ERC1: variants seen among roughly 807,000 people sequenced by gnomAD.
ERC1 encodes ELKS/RAB6-interacting/CAST family member 1.
A neutral mutation model predicts 132.0 loss-of-function variants in ERC1; 56 were observed. That is an observed-to-expected ratio of 0.42 (90% CI 0.34 to 0.53). The LOEUF (loss-of-function observed/expected upper bound fraction) is 0.53, where lower values mean the gene tolerates loss of function less well. Ranked by LOEUF, ERC1 falls within the 20% of genes least tolerant of loss-of-function variation. The pLI, the probability that ERC1 is intolerant of heterozygous loss-of-function variation, is 0.03. For synonymous variants in ERC1, 478 were observed against 476.1 expected (o/e 1.00, Z -0.05); for missense variants, 1,202 against 1,349.9 (o/e 0.89, Z 1.72).
At chr12:1,205,043 A>G (rs1476247835) in intron 12 of ERC1, among the ~76,000 whole-genome samples, 2 of 152,178 alleles carry the variant, frequency 1.3e-5, no homozygotes, top group Non-Finnish European at 2.9e-5. Context: ...GATTACTGCT[A>G]TTTATATGTG....
chr12:1,154,824 A>G (rs1566100060), intron 8 of ERC1, among the ~76,000 whole-genome samples: 1 of 152,168 alleles, frequency 6.6e-6, no homozygotes, highest in Non-Finnish European at 1.5e-5. Context: ...ATCACTAATC[A>G]TCAGGGAAAT....
intron 2 of ERC1, among the ~76,000 whole-genome samples, chr12:1,041,549 A>T (rs1056078109): frequency 2.8e-4 from 42 of 152,230 alleles, no homozygotes; most frequent in Non-Finnish European, 5.4e-4. Flanking sequence ...CTACAAATCT[A>T]AAGGCCTTAT....
At chr12:1,146,774 A>AC (rs1566081010) in intron 8 of ERC1, among the ~76,000 whole-genome samples, 10 of 111,124 alleles carry the variant, frequency 9.0e-5, no homozygotes, top group African/African-American at 2.6e-4. Flanking sequence ...TCCCTCCCCC[A>AC]ACCCCCACCC....
intron 18 of ERC1, among the ~76,000 whole-genome samples, chr12:1,463,320 C>T (rs533316008): frequency 1.2e-4 from 18 of 152,246 alleles, no homozygotes; most frequent in Admixed American, 7.8e-4. Flanking sequence ...CCCTCCTGAA[C>T]GCGCCTGCAC....
chr12:1,253,372 TTTGA>T (rs2076581813), intron 13 of ERC1, among the ~76,000 whole-genome samples: 1 of 152,104 alleles, frequency 6.6e-6, no homozygotes, highest in Non-Finnish European at 1.5e-5. Flanking sequence ...TGATTGAATG[TTTGA>T]TTGGAAAGAA....
At chr12:1,411,599 T>C (rs2091854542) in intron 17 of ERC1, among the ~76,000 whole-genome samples, 1 of 152,178 alleles carries the variant, frequency 6.6e-6, no homozygotes, top group Admixed American at 6.6e-5. Flanking sequence ...CAGAGAAAGC[T>C]AAAGCTGAGA....
rs150109026 is a variant in ERC1 at position 1,353,555 on chromosome 12, G to C, written c.2781-18278G>C. Among the ~76,000 whole-genome samples the C allele has an allele frequency of 9.2e-5, 14 of 152,306 alleles. No homozygotes were observed. The Middle Eastern group carries it at 0.027, about 296-fold the overall frequency. ...CAGTTCTATAAGTAATTTCCTAAGA[G>C]GTTGTCAAAGCTGGTATAGGCACCA... is the stretch of plus-strand genomic sequence containing the variant. On this transcript the variant is annotated intron_variant, in intron 15 of 18. Transcript: ENST00000360905.
Position 1,394,034 on chromosome 12 carries a change from C to CA in ERC1, c.2926-14105dup, listed in dbSNP as rs1298602508. On this transcript the variant is annotated intron_variant, in intron 16 of 18. Transcript: ENST00000360905. Reference sequence around the variant, plus strand: ...CCGTCTCAAAAAAAAAAAAAAAAAACAAAAAAAAAACCACAAAGCATTAAG... The same window carrying CA: ...CCGTCTCAAAAAAAAAAAAAAAAAACAAAAAAAAAAACCACAAAGCATTAAG... 1.2e-3 allele frequency among the ~76,000 whole-genome samples: 54 copies of CA among 45,278 alleles called. 1 individual carries two copies. Among genetic ancestry groups the CA allele is most frequent in the South Asian group, 3.9e-3 (7 of 1,806 alleles). 29.7% of individuals were successfully genotyped at this position (45,278 alleles called of 152,430 possible).
intron 12 of ERC1, among the ~76,000 whole-genome samples, chr12:1,226,615 A>G (rs1440589734): frequency 6.6e-6 from 1 of 152,172 alleles, no homozygotes; most frequent in African/African-American, 2.4e-5. Flanking sequence ...CCACCGTTCT[A>G]CTTTCTCTGA....
chr12:1,247,540 CT>C (rs1178320967), intron 13 of ERC1, among the ~76,000 whole-genome samples: 1 of 152,210 alleles, frequency 6.6e-6, no homozygotes, highest in Non-Finnish European at 1.5e-5. Flanking sequence ...ACCCAGTTCA[CT>C]TTGCCATCTC....
chr12:1,094,784 A>G (rs574311805), intron 3 of ERC1, among the ~76,000 whole-genome samples: 21 of 152,174 alleles, frequency 1.4e-4, no homozygotes, highest in Non-Finnish European at 2.4e-4. Flanking sequence ...TGAGCACACT[A>G]CTATTACCAG....
chr12:1,418,942 G>A (rs1410691351), intron 17 of ERC1, among the ~76,000 whole-genome samples: 1 of 151,854 alleles, frequency 6.6e-6, no homozygotes, highest in East Asian at 1.9e-4. Context: ...TCAAACTCCT[G>A]GGTTCAAGCA....
At chr12:1,096,889 C>T (rs76466737) in intron 3 of ERC1, among the ~76,000 whole-genome samples, 2,287 of 152,212 alleles carry the variant, frequency 0.015, 20 homozygotes, top group Non-Finnish European at 0.024. Context: ...TAAAAGTAAC[C>T]AGTGTTCTGG....
At chr12:1,154,754 A>G (rs1450531611) in intron 8 of ERC1, among the ~76,000 whole-genome samples, 1 of 152,204 alleles carries the variant, frequency 6.6e-6, no homozygotes, top group East Asian at 1.9e-4. Context: ...AATAGCATGA[A>G]TAGACATTTC....
chr12:1,238,697 T>C lies in ERC1; in HGVS notation c.2487+1793T>C, dbSNP rs1386262644. ...TAGCACTTTAACTGTTTCATTTGTC[T>C]TTCTTACCCTGCTCATCATTTAATG... On this transcript the variant is annotated intron_variant, in intron 13 of 18. Coordinates refer to ENST00000360905, the MANE Select transcript of ERC1 (RefSeq NM_178040.4). Among the ~76,000 whole-genome samples, 10 of 152,278 alleles carry C rather than the reference T, an allele frequency of 6.6e-5. No homozygotes were observed. The East Asian group carries it at 1.7e-3, about 26-fold the overall frequency.
intron 8 of ERC1, among the ~76,000 whole-genome samples, chr12:1,166,178 T>C (rs984619611): frequency 1.3e-5 from 2 of 152,190 alleles, no homozygotes; most frequent in African/African-American, 4.8e-5. Flanking sequence ...ATAACCACAG[T>C]TCCCATGTAT....
chr12:1,464,511 CTTTTTTTTTTTTTTTT>C (rs34542821), intron 18 of ERC1, among the ~76,000 whole-genome samples: 7 of 67,446 alleles, frequency 1.0e-4, no homozygotes, highest in Non-Finnish European at 1.3e-4. Flanking sequence ...ATGCAAAAGC[CTTTTTTTTTTTTTTTT>C]TTTTTTTTTT....
At position 1,490,183 on chromosome 12, in the gene ERC1, C is replaced by G; in HGVS notation, c.3304C>G (p.Pro1102Ala). The stretch of plus-strand genomic sequence containing the variant: ...TCTTCAGCAGATAGCAGACCATTGT[C>G]CCGACATCCTAGAGCAAGTGGTCAA... ...AILQQIADHCPDILEQVVNAL... is the reference protein window; with the variant it reads ...AILQQIADHCADILEQVVNAL... Residue 1102 changes from proline (P) to alanine (A), a missense_variant, in exon 19 of 19, where the codon CCC (proline) becomes GCC (alanine). Coordinates refer to ENST00000360905, the MANE Select transcript of ERC1 (RefSeq NM_178040.4). 1 of 1,614,186 alleles carries G rather than the reference C, an allele frequency of 6.2e-7. No homozygotes were observed. The highest frequency in any genetic ancestry group is 8.5e-7 in the Non-Finnish European group (1 of 1,180,036).
intron 2 of ERC1, among the ~76,000 whole-genome samples, chr12:1,064,072 T>G (rs1938595917): frequency 6.6e-6 from 1 of 152,188 alleles, no homozygotes; most frequent in African/African-American, 2.4e-5. Flanking sequence ...CTAACAATTT[T>G]TTTGCTCCCC....
Sources: gnomAD v4.1 joint callset for allele counts (sites outside exome capture counted in the v4.1 genomes callset) on GRCh38, gnomAD v4.1.1 for gene constraint, MANE v1.5 for transcripts, NCBI Gene and HGNC (gene_info 2026-07-23, HGNC 2026-07-21) for gene names.